The following FBN2 variants were observed in gnomAD, a reference collection of about 807,000 sequenced individuals.
FBN2 encodes fibrillin 2.
Under a neutral mutation model 355.6 loss-of-function variants are expected in FBN2, and 105 were observed. That is an observed-to-expected ratio of 0.30 (90% CI 0.25 to 0.35). The LOEUF is 0.35. FBN2 is among the 10% of genes least tolerant of loss of function. The probability of loss-of-function intolerance (pLI) is 1.00; values close to 1 mark genes in which losing one functional copy is unlikely to be tolerated. For missense variants in FBN2, 3,280 were observed against 3,758.7 expected (o/e 0.87, Z 3.33); for synonymous variants, 1,350 against 1,301.2 (o/e 1.04, Z -0.81).
intron 5 of FBN2, among the ~76,000 whole-genome samples, chr5:128,473,316 A>T (rs747965521): frequency 6.6e-6 from 1 of 152,252 alleles, no homozygotes; most frequent in East Asian, 1.9e-4. Flanking sequence ...GGTAAAAACA[A>T]TATCTTCTTG....
chr5:128,328,328 T>C, intron 34 of FBN2: 1 of 477,616 alleles, frequency 2.1e-6, no homozygotes, highest in Non-Finnish European at 3.8e-6. Flanking sequence ...TTTATGATTT[T>C]GATAAACACA....
intron 19 of FBN2, among the ~76,000 whole-genome samples, chr5:128,358,277 A>G (rs1250379787): frequency 6.6e-6 from 1 of 152,150 alleles, no homozygotes; most frequent in African/African-American, 2.4e-5. Context: ...AACCACTTTT[A>G]AAGTGGTACA....
intron 5 of FBN2, among the ~76,000 whole-genome samples, chr5:128,479,964 CTCTCTCTCTCTCTATATATA>C (rs1260719316): frequency 2.0e-4 from 7 of 34,878 alleles, no homozygotes; most frequent in Non-Finnish European, 2.6e-4. Flanking sequence ...CTCTCTCTCT[CTCTCTCTCTCTCTATATATA>C]TATATATATA....
chr5:128,503,438 T>C (rs1411489626), intron 5 of FBN2, among the ~76,000 whole-genome samples: 1 of 152,126 alleles, frequency 6.6e-6, no homozygotes, highest in Non-Finnish European at 1.5e-5. Flanking sequence ...TTTGGAGGGC[T>C]CAGAAGACAG....
At chr5:128,526,286 G>A (rs533979731) in intron 4 of FBN2, among the ~76,000 whole-genome samples, 4 of 152,048 alleles carry the variant, frequency 2.6e-5, no homozygotes, top group African/African-American at 9.7e-5. Context: ...TGGAGCCCTT[G>A]TGCACTGCTA....
intron 7 of FBN2, chr5:128,442,189 A>G: frequency 2.6e-6 from 1 of 384,760 alleles, no homozygotes; most frequent in Non-Finnish European, 5.1e-6. Flanking sequence ...ACTAAATTGC[A>G]AACAACTATC....
intron 11 of FBN2, among the ~76,000 whole-genome samples, chr5:128,383,817 G>A (rs1391176664): frequency 6.6e-6 from 1 of 151,998 alleles, no homozygotes; most frequent in African/African-American, 2.4e-5. Flanking sequence ...CGAAGTGCTG[G>A]CTTGGTTATG....
intron 20 of FBN2, among the ~76,000 whole-genome samples, chr5:128,356,922 T>C (rs1348408619): frequency 6.6e-6 from 1 of 152,212 alleles, no homozygotes; most frequent in Non-Finnish European, 1.5e-5. Context: ...TTGTTTGCCA[T>C]TGAAGTTTGT....
intron 2 of FBN2, among the ~76,000 whole-genome samples, chr5:128,535,147 G>A (rs1054933408): frequency 2.0e-5 from 3 of 152,148 alleles, no homozygotes; most frequent in African/African-American, 7.2e-5. Flanking sequence ...CAGAGGATTT[G>A]TTCAAAATAT....
At chr5:128,385,119 C>T (rs543437346) in intron 11 of FBN2, among the ~76,000 whole-genome samples, 45 of 152,110 alleles carry the variant, frequency 3.0e-4, no homozygotes, top group African/African-American at 9.4e-4. Flanking sequence ...GGGAAAATTG[C>T]ATGTCACAGG....
At chr5:128,305,733 TAGA>T (rs1749852002) in intron 43 of FBN2, 87 bp downstream of exon 43, 1 of 1,597,720 alleles carries the variant, frequency 6.3e-7, no homozygotes, top group Non-Finnish European at 8.6e-7. Flanking sequence ...TGAAAAATTG[TAGA>T]AGAAATAGTA....
chr5:128,436,026 C>T (rs759988247), intron 7 of FBN2, among the ~76,000 whole-genome samples: 14 of 152,122 alleles, frequency 9.2e-5, no homozygotes, highest in Non-Finnish European at 1.8e-4. Context: ...AAAGGAGTGA[C>T]GTCACTTCAG....
intron 8 of FBN2, among the ~76,000 whole-genome samples, chr5:128,400,879 G>A (rs1370965646): frequency 6.6e-6 from 1 of 152,114 alleles, no homozygotes; most frequent in East Asian, 1.9e-4. Flanking sequence ...CACATGTGGT[G>A]GGAGGGACCC....
At chr5:128,279,692 A>G (rs1765486008) in intron 56 of FBN2, among the ~76,000 whole-genome samples, 1 of 152,178 alleles carries the variant, frequency 6.6e-6, no homozygotes, top group African/African-American at 2.4e-5. Flanking sequence ...ATTAACTACA[A>G]TGATTTATAA....
chr5:128,299,531 G>A (rs879166079), intron 48 of FBN2, among the ~76,000 whole-genome samples: 3 of 152,088 alleles, frequency 2.0e-5, no homozygotes, highest in East Asian at 1.9e-4. Context: ...CTGGTGCGCC[G>A]TTTTTTAAGC....
chr5:128,275,011 T>C (rs1017525965), intron 59 of FBN2, among the ~76,000 whole-genome samples: 4 of 152,166 alleles, frequency 2.6e-5, no homozygotes, highest in African/African-American at 7.2e-5. Context: ...GTATAGTACA[T>C]GGCTGATTAC....
In FBN2 at chr5:128,344,449, G is replaced by A. The variant is rs142809999; in HGVS notation, c.3279C>T (p.Ile1093=). ...TATTGCAACGGCATTTGAAGCTTCC[G>A]ATTGTATTTCTGCACTTCCCATAAG... ...MCTYGKCRNT[I]GSFKCRCNSG... The change falls in exon 25 of 65, where the codon ATC becomes ATT. Residue 1093 remains isoleucine, a synonymous_variant. Coordinates refer to ENST00000262464, the MANE Select transcript of FBN2 (RefSeq NM_001999.4). 1.3e-5 allele frequency: 21 copies of A among 1,613,076 alleles called. No homozygotes were observed. The highest frequency in any genetic ancestry group is 6.7e-5 in the East Asian group (3 of 44,866).
chr5:128,417,436 G>C (rs1753234957), intron 7 of FBN2, among the ~76,000 whole-genome samples: 2 of 152,168 alleles, frequency 1.3e-5, no homozygotes, highest in South Asian at 4.1e-4. Flanking sequence ...CCAGTTCTTC[G>C]AGGAAAGGCT....
chr5:128,289,772 T>C, intron 51 of FBN2, 110 bp downstream of exon 51: 1 of 694,706 alleles, frequency 1.4e-6, no homozygotes, highest in East Asian at 2.7e-5. Context: ...ATCCATTAAA[T>C]ACAATATACT....
Sources: gnomAD v4.1 joint callset for allele counts (sites outside exome capture counted in the v4.1 genomes callset) on GRCh38, gnomAD v4.1.1 for gene constraint, MANE v1.5 for transcripts, NCBI Gene and HGNC (gene_info 2026-07-23, HGNC 2026-07-21) for gene names.